Variants in ZNF143 observed in about 807,000 individuals in gnomAD.
ZNF143 encodes the protein SPH-binding factor.
In ZNF143, 49 loss-of-function variants were observed where a neutral mutation model predicts 74.1. The observed-to-expected ratio is 0.66, with a 90% CI of 0.53 to 0.84. ZNF143 has a LOEUF of 0.84. ZNF143 is among the 40% of genes least tolerant of loss of function. The probability of loss-of-function intolerance (pLI) is 0.00; values close to 1 mark genes in which losing one functional copy is unlikely to be tolerated. For missense variants in ZNF143, 637 were observed against 793.4 expected (o/e 0.80, Z 2.37); for synonymous variants, 304 against 282.8 (o/e 1.07, Z -0.75).
intron 6 of ZNF143, 100 bp downstream of exon 6, chr11:9,478,686 T>C: frequency 1.4e-6 from 2 of 1,401,702 alleles, no homozygotes; most frequent in Non-Finnish European, 1.9e-6. Flanking sequence ...AAAAAAAACC[T>C]GGCCAATTTT....
rs544144813 is a variant in ZNF143, at chr11:9,474,881, G to GT, written c.373+255dup. On this transcript the variant is annotated intron_variant, in intron 5 of 15. Transcript: ENST00000396602. ...AGACTTAAAGTAGAGGCCACATTTTGTTTTTTTGGTTGGCTTTTGTTCTAA... is the reference window on the plus strand; with the variant it reads ...AGACTTAAAGTAGAGGCCACATTTTGTTTTTTTTGGTTGGCTTTTGTTCTAA... Among the ~76,000 whole-genome samples the GT allele has an allele frequency of 6.5e-4, 99 of 152,250 alleles. No homozygotes were observed. The Middle Eastern group carries it at 0.01, about 16-fold the overall frequency.
chr11:9,503,951 CTTTTTTTTTTT>C (rs35371465), intron 11 of ZNF143, among the ~76,000 whole-genome samples: 7 of 53,090 alleles, frequency 1.3e-4, no homozygotes, highest in Non-Finnish European at 2.5e-4. Context: ...CACGCCTTGC[CTTTTTTTTTTT>C]TTTTTTTTTT....
At chr11:9,467,972 A>G (rs1391938567) in intron 1 of ZNF143, among the ~76,000 whole-genome samples, 1 of 152,134 alleles carries the variant, frequency 6.6e-6, no homozygotes, top group Non-Finnish European at 1.5e-5. Flanking sequence ...ATAGTAGCAT[A>G]TACAGTGTTC....
chr11:9,522,937 A>G (rs955339879), intron 14 of ZNF143, among the ~76,000 whole-genome samples: 1 of 122,492 alleles, frequency 8.2e-6, no homozygotes, highest in Non-Finnish European at 1.8e-5. Context: ...AATTTTTTGT[A>G]TTTTTTTTTT....
At chr11:9,490,835 T>C (rs1457710654) in intron 7 of ZNF143, among the ~76,000 whole-genome samples, 1 of 152,210 alleles carries the variant, frequency 6.6e-6, no homozygotes, top group East Asian at 1.9e-4. Context: ...CAGGCTCAGG[T>C]GATCCTCCCA....
At chr11:9,476,744 A>ATTTTTTTTT (rs1465968655) in intron 5 of ZNF143, among the ~76,000 whole-genome samples, 16 of 45,978 alleles carry the variant, frequency 3.5e-4, no homozygotes, top group Non-Finnish European at 6.6e-4. Context: ...AAAGGGAGGA[A>ATTTTTTTTT]TCTTTTTTTT....
Position 9,526,378 on chromosome 11 carries a change from A to G in ZNF143, c.1833+992A>G, listed in dbSNP as rs191459399. Among the ~76,000 whole-genome samples, 121 of 152,242 alleles carry G rather than the reference A, an allele frequency of 7.9e-4. 1 individual carries two copies. In the Middle Eastern group the frequency reaches 0.017, roughly 21 times the overall value. On this transcript the variant is annotated intron_variant, in intron 15 of 15. Transcript: ENST00000396602. ...CAAAAAAAAAATTAGAATGTAAAGT[A>G]AAATAGAATCCTAGGGGCTAGGTGC...
intron 11 of ZNF143, 68 bp from the exon 12 acceptor site, chr11:9,508,551 G>T (rs1283610091): frequency 3.4e-6 from 5 of 1,460,210 alleles, no homozygotes; most frequent in Non-Finnish European, 4.7e-6. Flanking sequence ...TACCCCCTGG[G>T]GGGGAAGTAT....
At chr11:9,526,436 G>T (rs971125868) in intron 15 of ZNF143, among the ~76,000 whole-genome samples, 1 of 152,082 alleles carries the variant, frequency 6.6e-6, no homozygotes, top group Middle Eastern at 3.4e-3. Context: ...TTTTTTTTCC[G>T]CCCACGTGTT....
intron 15 of ZNF143, among the ~76,000 whole-genome samples, chr11:9,526,538 C>T (rs903816898): frequency 2.0e-5 from 3 of 151,656 alleles, no homozygotes; most frequent in Non-Finnish European, 2.9e-5. Flanking sequence ...TCAAGAAGCT[C>T]TCTTTTGTTG....
At chr11:9,502,611 A>G (rs1848208214) in intron 11 of ZNF143, among the ~76,000 whole-genome samples, 1 of 150,958 alleles carries the variant, frequency 6.6e-6, no homozygotes, top group Non-Finnish European at 1.5e-5. Flanking sequence ...CCATCTCAAA[A>G]AAAAAAAAAA....
Position 9,494,658 on chromosome 11 carries a change from G to A in ZNF143, c.658G>A (p.Gly220Arg), listed in dbSNP as rs1847897630. Reference sequence around the variant, plus strand: ...TTGTTTTATTTAGATTGTTTTACAAGGACATGCTACAAGAGTAACTGCTAA... The same window carrying A: ...TTGTTTTATTTAGATTGTTTTACAAAGACATGCTACAAGAGTAACTGCTAA... ...QEKKMQIVLQ[G>R]HATRVTAKSQ... Residue 220 changes from glycine (G) to arginine (R), a missense_variant, in exon 8 of 16, where the codon GGA becomes AGA. Gly to Arg is a moderately radical substitution (Grantham distance 125). Coordinates refer to ENST00000396602, the MANE Select transcript of ZNF143 (RefSeq NM_003442.6). 1 of 1,613,604 alleles carries A rather than the reference G, an allele frequency of 6.2e-7. No individual in the cohort carries two copies. Among genetic ancestry groups the A allele is most frequent in the Admixed American group, 1.7e-5 (1 of 59,950 alleles).
intron 1 of ZNF143, 43 bp downstream of exon 1, chr11:9,461,119 C>T (rs1590469885): frequency 4.1e-6 from 4 of 981,190 alleles, no homozygotes; most frequent in African/African-American, 1.8e-5. Flanking sequence ...CATTATTCTC[C>T]GCCTGGCCGC....
chr11:9,527,415 C>T, intron 15 of ZNF143, 115 bp from the exon 16 acceptor site: 2 of 907,678 alleles, frequency 2.2e-6, no homozygotes, highest in African/African-American at 1.6e-5. Flanking sequence ...TTTAACAATC[C>T]CAAGTGTCAG....
rs1480925881 is a variant in ZNF143 at position 9,484,754 on chromosome 11, C to T, written c.645+5208C>T. ...CCAGTGATCCACCCACCTCAGCCTC[C>T]CAAAGCACTAGGATTACAGGCGTGA... is the stretch of plus-strand genomic sequence containing the variant. On this transcript the variant is annotated intron_variant, in intron 7 of 15. Transcript: ENST00000396602. Among the ~76,000 whole-genome samples the T allele has an allele frequency of 2.0e-5, 3 of 146,402 alleles. 1 individual carries two copies. The highest frequency in any genetic ancestry group is 7.7e-5 in the African/African-American group (3 of 38,826).
intron 5 of ZNF143, 119 bp from the exon 6 acceptor site, chr11:9,478,271 G>C: frequency 1.1e-6 from 1 of 939,052 alleles, no homozygotes; most frequent in Non-Finnish European, 1.6e-6. Context: ...CATATCAAGT[G>C]CGTGGTCCAG....
rs2133788157 is a variant in ZNF143 at position 9,461,091 on chromosome 11, G to A, written c.-8+15G>A. Reference sequence around the variant, plus strand: ...TTTTCTCGGAGGTTCGTATATAAATGTGTTTTTACCCAGTGTGCATTATTC... The same window carrying A: ...TTTTCTCGGAGGTTCGTATATAAATATGTTTTTACCCAGTGTGCATTATTC... On this transcript the variant is annotated intron_variant, in intron 1 of 15. Coordinates refer to ENST00000396602, the MANE Select transcript of ZNF143 (RefSeq NM_003442.6). 3 of 985,762 alleles carry A rather than the reference G, an allele frequency of 3.0e-6. No individual in the cohort carries two copies. The highest frequency in any genetic ancestry group is 1.1e-4 in the East Asian group (1 of 8,794). 61.1% of individuals were successfully genotyped at this position (985,762 alleles called of 1,614,324 possible). A position where few individuals can be genotyped will look rare whatever the true frequency, so the allele number is the denominator to read the frequency against.
intron 7 of ZNF143, 149 bp downstream of exon 7, chr11:9,479,695 C>G (rs928202227): frequency 3.5e-6 from 2 of 573,118 alleles, no homozygotes; most frequent in Non-Finnish European, 6.0e-6. Flanking sequence ...GCAGCTTTCT[C>G]AAACTGCCTG....
intron 11 of ZNF143, among the ~76,000 whole-genome samples, chr11:9,504,046 A>C: frequency 8.4e-6 from 1 of 119,616 alleles, no homozygotes; most frequent in African/African-American, 3.3e-5. Flanking sequence ...TGCACCCTCC[A>C]CCTCCCACGT....
Sources: allele counts gnomAD v4.1 joint callset (sites outside exome capture counted in the v4.1 genomes callset), GRCh38; gene constraint gnomAD v4.1.1; transcripts MANE v1.5; gene names NCBI Gene and HGNC (gene_info 2026-07-23, HGNC 2026-07-21).